FANCC: variants seen among roughly 807,000 people sequenced by gnomAD.
FANCC encodes the protein Fanconi anemia group C protein.
Under a neutral mutation model 71.3 loss-of-function variants are expected in FANCC, and 55 were observed. That is an observed-to-expected ratio of 0.77 (90% CI 0.62 to 0.97). The LOEUF is 0.97. FANCC is among the 50% of genes least tolerant of loss of function. The probability of loss-of-function intolerance (pLI) is 0.00; values close to 1 mark genes in which losing one functional copy is unlikely to be tolerated. For missense variants in FANCC, 678 were observed against 670.9 expected (o/e 1.01, Z -0.12); for synonymous variants, 275 against 244.9 (o/e 1.12, Z -1.15).
At position 95,128,217 on chromosome 9, in the gene FANCC, A is replaced by C. The variant is rs1800207874; in HGVS notation, c.844-1636T>G. On this transcript the variant is annotated intron_variant, in intron 8 of 14. Transcript: ENST00000289081. Reference sequence around the variant, plus strand: ...AAAATATAAAAGTTTCTATGTATTCATAATGAAAAAATAAAACAAGGGAAA... The same window carrying C: ...AAAATATAAAAGTTTCTATGTATTCCTAATGAAAAAATAAAACAAGGGAAA... Among the ~76,000 whole-genome samples the C allele has an allele frequency of 2.0e-5, 3 of 152,376 alleles. No individual in the cohort carries two copies. In the South Asian group the frequency reaches 6.2e-4, roughly 32 times the overall value.
At chr9:95,287,820 T>C (rs2136295384) in intron 1 of FANCC, among the ~76,000 whole-genome samples, 1 of 152,362 alleles carries the variant, frequency 6.6e-6, no homozygotes, top group East Asian at 1.9e-4. Flanking sequence ...AGACAGGAGC[T>C]GCACAGAGTA....
intron 10 of FANCC, among the ~76,000 whole-genome samples, chr9:95,122,090 C>A (rs1052182940): frequency 2.6e-5 from 4 of 151,990 alleles, no homozygotes; most frequent in Non-Finnish European, 5.9e-5. Context: ...GATCTCCTGA[C>A]CTTGTGATCT....
chr9:95,170,637 C>CGTGT (rs3992109), intron 6 of FANCC, among the ~76,000 whole-genome samples: 5,701 of 124,300 alleles, frequency 0.046, 253 homozygotes, highest in East Asian at 0.12. Context: ...TTGTAAATAT[C>CGTGT]GTGTGTGTGT....
At chr9:95,316,428 G>A (rs1835743127) in intron 1 of FANCC, among the ~76,000 whole-genome samples, 1 of 152,196 alleles carries the variant, frequency 6.6e-6, no homozygotes, top group Non-Finnish European at 1.5e-5. Context: ...AACCTTTCAG[G>A]GGAGTAAGGA....
chr9:95,247,281 G>T, intron 3 of FANCC, 151 bp downstream of exon 3: 1 of 647,682 alleles, frequency 1.5e-6, no homozygotes. Flanking sequence ...AACAGTATAG[G>T]AAGCCATCTT....
At chr9:95,140,661 A>G (rs1828514574) in intron 7 of FANCC, among the ~76,000 whole-genome samples, 1 of 152,190 alleles carries the variant, frequency 6.6e-6, no homozygotes, top group Non-Finnish European at 1.5e-5. Context: ...CAAACCAGAA[A>G]GAGATCAAGG....
At chr9:95,261,055 T>C (rs1204994030) in intron 1 of FANCC, among the ~76,000 whole-genome samples, 3 of 152,334 alleles carry the variant, frequency 2.0e-5, no homozygotes, top group East Asian at 3.9e-4. Context: ...GTACGGCTAC[T>C]GCTTTGCCCC....
chr9:95,160,480 C>T (rs1464995994), intron 6 of FANCC, among the ~76,000 whole-genome samples: 4 of 152,126 alleles, frequency 2.6e-5, no homozygotes, highest in African/African-American at 4.8e-5. Flanking sequence ...CAGCTTTGTT[C>T]TTTTTGCTTA....
At position 95,235,712 on chromosome 9, in the gene FANCC, C is replaced by T. The variant is rs539421502; in HGVS notation, c.345+4937G>A. On this transcript the variant is annotated intron_variant, in intron 4 of 14. Coordinates refer to ENST00000289081, the MANE Select transcript of FANCC (RefSeq NM_000136.3). ...ATACAAAATTGGCTGGGTGTGGTGG[C>T]GCATGCCTGTAATCTGAGCTACTTG... 1.4e-4 allele frequency among the ~76,000 whole-genome samples: 22 copies of T among 151,900 alleles called. No homozygotes were observed. In the East Asian group the frequency reaches 2.5e-3, roughly 17 times the overall value.
intron 1 of FANCC, among the ~76,000 whole-genome samples, chr9:95,267,855 A>T (rs576507951): frequency 3.3e-5 from 5 of 152,334 alleles, no homozygotes; most frequent in African/African-American, 1.2e-4. Context: ...GTAAATCAGG[A>T]CTACGGTCAT....
At chr9:95,152,433 C>A (rs1000284780) in intron 6 of FANCC, among the ~76,000 whole-genome samples, 5 of 152,122 alleles carry the variant, frequency 3.3e-5, no homozygotes, top group African/African-American at 1.2e-4. Flanking sequence ...GAAAACATTG[C>A]AGACAGATGA....
chr9:95,298,607 A>G (rs534961367), intron 1 of FANCC, among the ~76,000 whole-genome samples: 4 of 152,350 alleles, frequency 2.6e-5, no homozygotes, highest in East Asian at 3.9e-4. Flanking sequence ...TGAACATTCA[A>G]TTGAAGAAAA....
rs758116389 is a variant in FANCC, at chr9:95,249,168, G to A, written c.124C>T (p.Gln42Ter). The change falls in exon 2 of 15, where the codon CAG (glutamine) becomes TAG (stop). Residue 42 changes from glutamine to a stop codon, truncating the protein, a stop_gained. Coordinates refer to ENST00000289081, the MANE Select transcript of FANCC (RefSeq NM_000136.3). LOFTEE classifies it high-confidence loss of function. Reference protein sequence around the residue: ...QDTCLHVAQFQEFLRKMYEAL... With the variant: ...QDTCLHVAQF Reference sequence around the variant, plus strand: ...TCATACATCTTCCTTAGGAACTCCTGGAACTGAGCCACGTGAAGACAGGTG... The same window carrying A: ...TCATACATCTTCCTTAGGAACTCCTAGAACTGAGCCACGTGAAGACAGGTG... The A allele has an allele frequency of 6.2e-7, 1 of 1,614,034 alleles. No individual in the cohort carries two copies. The highest frequency in any genetic ancestry group is 1.1e-5 in the South Asian group (1 of 91,076).
At chr9:95,252,801 G>A (rs1831432683) in intron 1 of FANCC, among the ~76,000 whole-genome samples, 1 of 147,610 alleles carries the variant, frequency 6.8e-6, no homozygotes, top group Non-Finnish European at 1.5e-5. Context: ...TGTAATCCCA[G>A]CATTTGGCAG....
chr9:95,299,470 G>A (rs1834589987), intron 1 of FANCC, among the ~76,000 whole-genome samples: 2 of 152,128 alleles, frequency 1.3e-5, no homozygotes, highest in Admixed American at 6.6e-5. Context: ...CGCCTTCTTG[G>A]AGCAAAACCT....
chr9:95,262,350 G>A (rs962511203), intron 1 of FANCC, among the ~76,000 whole-genome samples: 4 of 152,188 alleles, frequency 2.6e-5, no homozygotes, highest in African/African-American at 9.7e-5. Flanking sequence ...AGTGTCTGAA[G>A]AAAGATAACA....
chr9:95,212,060 C>T (rs1476554428), intron 4 of FANCC, among the ~76,000 whole-genome samples: 2 of 151,526 alleles, frequency 1.3e-5, no homozygotes, highest in East Asian at 1.9e-4. Context: ...TAAAACTATC[C>T]AAAAGGAAGC....
chr9:95,227,123 G>A (rs1829669510), intron 4 of FANCC, among the ~76,000 whole-genome samples: 1 of 152,142 alleles, frequency 6.6e-6, no homozygotes, highest in South Asian at 2.1e-4. Flanking sequence ...CTGAGAGCCC[G>A]ACCTATGACA....
At chr9:95,309,669 G>T (rs1835267863) in intron 1 of FANCC, among the ~76,000 whole-genome samples, 1 of 152,038 alleles carries the variant, frequency 6.6e-6, no homozygotes, top group Non-Finnish European at 1.5e-5. Flanking sequence ...GGATGCCTTT[G>T]GTTTCCAGTA....
Sources: gnomAD v4.1 joint callset for allele counts (sites outside exome capture counted in the v4.1 genomes callset) on GRCh38, gnomAD v4.1.1 for gene constraint, MANE v1.5 for transcripts, NCBI Gene and HGNC (gene_info 2026-07-23, HGNC 2026-07-21) for gene names.